The following ANXA4 variants were observed in gnomAD, a reference collection of about 807,000 sequenced individuals.
ANXA4 encodes the protein 35-beta calcimedin.
ANXA4 carries 39 observed loss-of-function variants against 49.8 expected under a neutral mutation model. The ratio of observed to expected loss-of-function variants is 0.78; its 90% CI spans 0.61 to 1.02. ANXA4 has a LOEUF of 1.02. Among genes scored for constraint, ANXA4 ranks in the 50% least tolerant of loss-of-function variants. The pLI is 0.00. For synonymous variants in ANXA4, 134 were observed against 152.5 expected (o/e 0.88, Z 0.89); for missense variants, 360 against 410.1 (o/e 0.88, Z 1.05).
At chr2:69,650,542 C>T (rs570401249) in intron 1 of ANXA4, among the ~76,000 whole-genome samples, 4 of 152,144 alleles carry the variant, frequency 2.6e-5, no homozygotes, top group South Asian at 2.1e-4. Context: ...GTGGCATGAT[C>T]ATAACCTGAG....
At chr2:69,792,177 A>G (rs1277160663) in intron 3 of ANXA4, among the ~76,000 whole-genome samples, 1 of 152,224 alleles carries the variant, frequency 6.6e-6, no homozygotes, top group Non-Finnish European at 1.5e-5. Flanking sequence ...AGTATATTTA[A>G]AATTTAAAAC....
At chr2:69,791,800 A>G (rs952712065) in intron 3 of ANXA4, among the ~76,000 whole-genome samples, 4 of 152,244 alleles carry the variant, frequency 2.6e-5, no homozygotes, top group Non-Finnish European at 4.4e-5. Context: ...ATTAAAACAA[A>G]ACAACAATTG....
At chr2:69,814,783 TGTGTGTGTGTG>T (rs1673896852) in intron 8 of ANXA4, 1 of 111,768 alleles carries the variant, frequency 8.9e-6, no homozygotes. Context: ...TGTGTGTGTG[TGTGTGTGTGTG>T]AGAGAAAGAG....
intron 1 of ANXA4, among the ~76,000 whole-genome samples, chr2:69,651,238 C>T (rs1676217849): frequency 6.6e-6 from 1 of 152,148 alleles, no homozygotes; most frequent in African/African-American, 2.4e-5. Context: ...AGGCATGGTT[C>T]CATGTGCCTA....
intron 1 of ANXA4, among the ~76,000 whole-genome samples, chr2:69,754,570 T>C (rs555253978): frequency 8.2e-4 from 125 of 152,262 alleles, no homozygotes; most frequent in Non-Finnish European, 1.4e-3. Flanking sequence ...TGGAGGCTTC[T>C]TAAAACCCAA....
chr2:69,745,012 C>T (rs1297629098), intron 1 of ANXA4, among the ~76,000 whole-genome samples: 1 of 152,136 alleles, frequency 6.6e-6, no homozygotes, highest in Non-Finnish European at 1.5e-5. Flanking sequence ...GCAGGAGGAT[C>T]CCTTGAGCCC....
At chr2:69,796,771 A>C (rs372740177) in intron 3 of ANXA4, among the ~76,000 whole-genome samples, 1 of 152,136 alleles carries the variant, frequency 6.6e-6, no homozygotes, top group Non-Finnish European at 1.5e-5. Flanking sequence ...TAGGAAAACT[A>C]GAAGGACTGG....
At chr2:69,704,543 G>T (rs777347703) in intron 2 of ANXA4, among the ~76,000 whole-genome samples, 1 of 152,202 alleles carries the variant, frequency 6.6e-6, no homozygotes, top group Non-Finnish European at 1.5e-5. Context: ...ATGTCTGGTA[G>T]TTGGTTCTGT....
At chr2:69,807,858 G>A in intron 5 of ANXA4, 48 bp from the exon 6 acceptor site, 1 of 1,532,772 alleles carries the variant, frequency 6.5e-7, no homozygotes, top group Non-Finnish European at 9.0e-7. Context: ...CTGGGCCTCA[G>A]CTTTGTAAAC....
At chr2:69,714,672 T>G (rs1284833161) in intron 2 of ANXA4, among the ~76,000 whole-genome samples, 1 of 152,206 alleles carries the variant, frequency 6.6e-6, no homozygotes, top group Admixed American at 6.5e-5. Context: ...GGGCCTAATT[T>G]GTGATGGGAT....
intron 3 of ANXA4, among the ~76,000 whole-genome samples, chr2:69,729,274 A>C (rs1573157193): frequency 7.5e-6 from 1 of 134,028 alleles, no homozygotes; most frequent in South Asian, 2.2e-4. Flanking sequence ...TCAGCCTCCC[A>C]AAAGTGCTGG....
chr2:69,671,403 C>G (rs1677181423), intron 2 of ANXA4, among the ~76,000 whole-genome samples: 1 of 152,152 alleles, frequency 6.6e-6, no homozygotes, highest in South Asian at 2.1e-4. Flanking sequence ...CAAAAAAGAC[C>G]TGTCAAGACA....
At chr2:69,743,399 G>C (rs2105472031) in intron 1 of ANXA4, among the ~76,000 whole-genome samples, 1 of 152,266 alleles carries the variant, frequency 6.6e-6, no homozygotes, top group South Asian at 2.1e-4. Context: ...TGTATTTTTA[G>C]TAGAGATGGG....
At chr2:69,814,484 A>ACT (rs1475655726) in intron 8 of ANXA4, among the ~76,000 whole-genome samples, 1 of 150,956 alleles carries the variant, frequency 6.6e-6, no homozygotes, top group East Asian at 2.0e-4. Context: ...TAGCTGGACT[A>ACT]CAGGCGTGTG....
chr2:69,794,157 G>A (rs564844642), intron 3 of ANXA4, among the ~76,000 whole-genome samples: 1 of 152,222 alleles, frequency 6.6e-6, no homozygotes, highest in African/African-American at 2.4e-5. Context: ...CAGCTGGACT[G>A]CAGATCCCTT....
intron 2 of ANXA4, among the ~76,000 whole-genome samples, chr2:69,706,494 G>T (rs1252872465): frequency 1.3e-5 from 2 of 151,456 alleles, no homozygotes; most frequent in South Asian, 2.1e-4. Flanking sequence ...AGAGACGGGG[G>T]TTTCGCCAGT....
intron 6 of ANXA4, chr2:69,809,835 G>A (rs908437180): frequency 2.0e-5 from 3 of 152,170 alleles, no homozygotes; most frequent in Non-Finnish European, 4.4e-5. Flanking sequence ...GTGGCAGAGA[G>A]GCATATGCTA....
chr2:69,661,379 C>T (rs1220392503), intron 2 of ANXA4, among the ~76,000 whole-genome samples: 1 of 152,072 alleles, frequency 6.6e-6, no homozygotes, highest in Admixed American at 6.6e-5. Flanking sequence ...CACAGTGGCT[C>T]ATTCCTGTAA....
upstream of ANXA4, among the ~76,000 whole-genome samples, chr2:69,741,495 A>G (rs557826725): frequency 7.9e-5 from 12 of 152,366 alleles, no homozygotes; most frequent in African/African-American, 2.9e-4. Context: ...CTCCTACTCC[A>G]AAGCTTTCCT....
Sources: gnomAD v4.1 joint callset for allele counts (sites outside exome capture counted in the v4.1 genomes callset) on GRCh38, gnomAD v4.1.1 for gene constraint, MANE v1.5 for transcripts, NCBI Gene and HGNC (gene_info 2026-07-23, HGNC 2026-07-21) for gene names.